Variants in GPSM2 observed in about 807,000 individuals in gnomAD.
The protein encoded by GPSM2 is G protein-signaling modulator 2.
GPSM2 carries 58 observed loss-of-function variants against 78.4 expected under a neutral mutation model. The observed-to-expected ratio is 0.74, with a 90% CI of 0.60 to 0.92. The LOEUF (loss-of-function observed/expected upper bound fraction) is 0.92, where lower values mean the gene tolerates loss of function less well. Ranked by LOEUF, GPSM2 falls within the 40% of genes least tolerant of loss-of-function variation. The pLI is 0.00. For synonymous variants in GPSM2, 224 were observed against 280.2 expected (o/e 0.80, Z 2.00); for missense variants, 700 against 815.5 (o/e 0.86, Z 1.73).
At chr1:108,927,068 AG>A (rs1651167424) in intron 14 of GPSM2, among the ~76,000 whole-genome samples, 1 of 152,246 alleles carries the variant, frequency 6.6e-6, no homozygotes, top group Non-Finnish European at 1.5e-5. Flanking sequence ...AGCATCAAAA[AG>A]AATAAAATAC....
chr1:108,918,597 A>C lies in GPSM2; in HGVS notation c.1264-16A>C. On this transcript the variant is annotated splice_polypyrimidine_tract_variant and intron_variant, in intron 11 of 14. Transcript: ENST00000264126. ...GGGGGTGTTTATTCACCTGCCTTCC[A>C]TTTATAATTTTGTAGGTACAGAACT... The C allele has an allele frequency of 6.2e-7, 1 of 1,604,624 alleles. No individual in the cohort carries two copies. The highest frequency in any genetic ancestry group is 8.5e-7 in the Non-Finnish European group (1 of 1,171,484).
intron 2 of GPSM2, among the ~76,000 whole-genome samples, chr1:108,894,625 G>A (rs1334091952): frequency 6.6e-6 from 1 of 152,146 alleles, no homozygotes; most frequent in Non-Finnish European, 1.5e-5. Flanking sequence ...TTGAACCCAG[G>A]AGGCAGAGGT....
Position 108,931,135 on chromosome 1 carries a change from A to G in GPSM2, c.*1195A>G, listed in dbSNP as rs1651881135. 2 of 559,570 alleles carry G rather than the reference A, an allele frequency of 3.6e-6. No homozygotes were observed. The highest frequency in any genetic ancestry group is 5.9e-6 in the Non-Finnish European group (2 of 339,270). 34.7% of individuals were successfully genotyped at this position (559,570 alleles called of 1,614,324 possible). ...CTCTTCTGTTCCATAATACTGCTGT[A>G]AAACAAACTTTTCTAAGTTCTAATA... On this transcript the variant is annotated 3_prime_UTR_variant, in exon 15 of 15. Transcript: ENST00000264126.
At chr1:108,892,602 T>C (rs1356915032) in intron 2 of GPSM2, among the ~76,000 whole-genome samples, 2 of 152,228 alleles carry the variant, frequency 1.3e-5, no homozygotes, top group Non-Finnish European at 2.9e-5. Context: ...GGATGAATTT[T>C]AATGGAGGGG....
At chr1:108,917,637 T>C (rs1247712757) in intron 11 of GPSM2, among the ~76,000 whole-genome samples, 226 of 21,666 alleles carry the variant, frequency 0.01, 20 homozygotes, top group African/African-American at 0.016. Flanking sequence ...TATATATATA[T>C]ATATATATAT....
At position 108,898,778 on chromosome 1, in the gene GPSM2, G is replaced by A; in HGVS notation, c.681+13G>A. ...AGCTCATGAGCAGGTACAGTGGAAA[G>A]CCTTGGAGCCAGATCATTTCCTCCA... On this transcript the variant is annotated intron_variant, in intron 6 of 14. Coordinates refer to ENST00000264126, the MANE Select transcript of GPSM2 (RefSeq NM_013296.5). The A allele has an allele frequency of 6.2e-7, 1 of 1,613,800 alleles. No homozygotes were observed. The highest frequency in any genetic ancestry group is 8.5e-7 in the Non-Finnish European group (1 of 1,179,740).
intron 14 of GPSM2, chr1:108,926,194 A>G (rs1651108001): frequency 6.6e-6 from 1 of 152,332 alleles, no homozygotes; most frequent in South Asian, 2.1e-4. Flanking sequence ...AAGTAAAACT[A>G]GTGAGTGCAA....
Position 108,934,320 on chromosome 1 carries a change from C to T in GPSM2, c.*4380C>T, listed in dbSNP as rs1310142891. ...CAATGTAAATTGGTTAGTGGGTTCC[C>T]GTAAGTGCCTGTAACAATAAAATTT... On this transcript the variant is annotated 3_prime_UTR_variant, in exon 15 of 15. Coordinates refer to ENST00000264126, the MANE Select transcript of GPSM2 (RefSeq NM_013296.5). 3.2e-5 allele frequency: 7 copies of T among 220,016 alleles called. No homozygotes were observed. Among genetic ancestry groups the T allele is most frequent in the Admixed American group, 1.0e-4 (2 of 19,494 alleles). 13.6% of individuals were successfully genotyped at this position (220,016 alleles called of 1,614,324 possible).
intron 7 of GPSM2, 87 bp downstream of exon 7, chr1:108,899,081 C>G: frequency 1.2e-6 from 1 of 834,816 alleles, no homozygotes; most frequent in East Asian, 2.6e-5. Flanking sequence ...CTGATTGTAG[C>G]AGAACTTTTG....
chr1:108,888,313 A>T (rs558441990), intron 2 of GPSM2, among the ~76,000 whole-genome samples: 11 of 152,180 alleles, frequency 7.2e-5, no homozygotes, highest in African/African-American at 2.4e-4. Context: ...CGGCCTCCCA[A>T]AGTGCTGGGA....
chr1:108,905,954 T>C (rs746683117), intron 10 of GPSM2, among the ~76,000 whole-genome samples: 8 of 152,184 alleles, frequency 5.3e-5, no homozygotes, highest in African/African-American at 7.2e-5. Context: ...CTCTAGATAA[T>C]CTCATCCAGT....
intron 10 of GPSM2, among the ~76,000 whole-genome samples, chr1:108,913,587 T>C (rs1649942822): frequency 6.6e-6 from 1 of 152,186 alleles, no homozygotes; most frequent in African/African-American, 2.4e-5. Flanking sequence ...AAAAGCAATA[T>C]AGCACATGCT....
Position 108,934,115 on chromosome 1 carries a change from G to C in GPSM2, c.*4175G>C, listed in dbSNP as rs1352140477. ...TAAACAAAGTAAAAGGAACAATAAGGATGCAGGCGTAGTAATAGCTGTGGA... is the reference window on the plus strand; with the variant it reads ...TAAACAAAGTAAAAGGAACAATAAGCATGCAGGCGTAGTAATAGCTGTGGA... On this transcript the variant is annotated 3_prime_UTR_variant, in exon 15 of 15. Transcript: ENST00000264126. 1 of 152,498 alleles carries C rather than the reference G, an allele frequency of 6.6e-6. No individual in the cohort carries two copies. Among genetic ancestry groups the C allele is most frequent in the African/African-American group, 2.4e-5 (1 of 41,456 alleles). The allele number at this position is 152,498 out of a possible 1,614,324, so 9.4% of individuals were successfully genotyped here. A position where few individuals can be genotyped will look rare whatever the true frequency, so the allele number is the denominator to read the frequency against.
intron 10 of GPSM2, among the ~76,000 whole-genome samples, chr1:108,908,497 C>T (rs1224246233): frequency 2.0e-5 from 3 of 151,240 alleles, no homozygotes; most frequent in Non-Finnish European, 2.9e-5. Context: ...TCTTGGCTAA[C>T]ACGGTGAAAC....
At chr1:108,923,940 TTTTTTTGTTTTTTG>T (rs151310940) in intron 13 of GPSM2, 46 bp from the exon 14 acceptor site, 2 of 1,235,258 alleles carry the variant, frequency 1.6e-6, no homozygotes, top group Non-Finnish European at 1.2e-6. Context: ...TGTGCCTAGG[TTTTTTTGTTTTTTG>T]TTTTTTGTTT....
rs200378397 is a variant in GPSM2 at position 108,918,707 on chromosome 1, A to G, written c.1358A>G (p.Lys453Arg). 128 of 1,613,432 alleles carry G rather than the reference A, an allele frequency of 7.9e-5. No homozygotes were observed. The highest frequency in any genetic ancestry group is 1.0e-4 in the Non-Finnish European group (123 of 1,179,516). The stretch of plus-strand genomic sequence containing the variant: ...CTCTTTGTCAACAGACTGAAGGGGA[A>G]AAAATACAAAACGAATTCCTCCACT... ...KLLFVNRLKG[K>R]KYKTNSSTKV... Residue 453 changes from lysine (K) to arginine (R), a missense_variant, in exon 12 of 15, where the codon AAA becomes AGA. Physicochemically the swap from Lys to Arg is conservative, Grantham distance 26 (BLOSUM62 2). Coordinates refer to ENST00000264126, the MANE Select transcript of GPSM2 (RefSeq NM_013296.5).
intron 11 of GPSM2, 30 bp downstream of exon 11, chr1:108,914,438 C>T (rs777325461): frequency 6.6e-6 from 9 of 1,362,912 alleles, no homozygotes; most frequent in Non-Finnish European, 9.4e-6. Flanking sequence ...TTTTAAATTT[C>T]ATGAACTATT....
chr1:108,908,728 A>AACACACACAC (rs71591128), intron 10 of GPSM2, among the ~76,000 whole-genome samples: 4 of 148,348 alleles, frequency 2.7e-5, no homozygotes, highest in Admixed American at 6.6e-5. Context: ...TCAAAACACA[A>AACACACACAC]ACACACACAC....
chr1:108,931,688 T>C lies in GPSM2; in HGVS notation c.*1748T>C. 1 of 647,058 alleles carries C rather than the reference T, an allele frequency of 1.5e-6. No homozygotes were observed. The allele number at this position is 647,058 out of a possible 1,614,324, so 40.1% of individuals were successfully genotyped here. ...ATTACATTATGTTTCATGTATACTA[T>C]AAGGTATGATGTCCTGGATAGCATT... is the stretch of plus-strand genomic sequence containing the variant. On this transcript the variant is annotated 3_prime_UTR_variant, in exon 15 of 15. Coordinates refer to ENST00000264126, the MANE Select transcript of GPSM2 (RefSeq NM_013296.5).
Sources: allele counts gnomAD v4.1 joint callset (sites outside exome capture counted in the v4.1 genomes callset), GRCh38; gene constraint gnomAD v4.1.1; transcripts MANE v1.5; gene names NCBI Gene and HGNC (gene_info 2026-07-23, HGNC 2026-07-21).